MSR1: variants seen among roughly 807,000 people sequenced by gnomAD.
MSR1 encodes macrophage scavenger receptor 1, also known as macrophage scavenger receptor types I and II.
In MSR1, 53 loss-of-function variants were observed where a neutral mutation model predicts 47.2. The observed-to-expected ratio is 1.12, with a 90% confidence interval of 0.90 to 1.41. The LOEUF (loss-of-function observed/expected upper bound fraction) is 1.41, where lower values mean the gene tolerates loss of function less well. Among genes scored for constraint, MSR1 ranks in the 40% most tolerant of loss-of-function variants. The pLI is 0.00. For missense variants in MSR1, 786 were observed against 546.9 expected, an observed-to-expected ratio of 1.44 and a Z score of -4.36; for synonymous variants, 239 against 185.6, an observed-to-expected ratio of 1.29 and a Z score of -2.34.
In MSR1 at chr8:16,109,105, G is replaced by A. The variant is rs1373628816; in HGVS notation, c.*980C>T. The A allele has an allele frequency of 6.6e-6, 1 of 151,576 alleles. No homozygotes were observed. The highest frequency in any genetic ancestry group is 1.5e-5 in the Non-Finnish European group (1 of 67,944). The allele number at this position is 151,576 out of a possible 1,614,324, so 9.4% of individuals were successfully genotyped here. On this transcript the variant is annotated 3_prime_UTR_variant, in exon 10 of 10. Transcript: ENST00000262101. ...GGGGATGGGTTGACTACCAACAAAA[G>A]GTTGCTAAACTACTTTTTTGGGGCA...
rs1177562046 is a variant in MSR1, at chr8:16,168,799, G to A, written c.289C>T (p.Leu97Phe). Reference sequence around the variant, plus strand: ...TCGCTGTCATTTCCTTTTCCCGTGAGACTTTGAGTTATATCATTTGCATTA... The same window carrying A: ...TCGCTGTCATTTCCTTTTCCCGTGAAACTTTGAGTTATATCATTTGCATTA... ...STNANDITQS[L>F]TGKGNDSEEE... is the part of the protein sequence containing the mutation. Residue 97 changes from leucine (L) to phenylalanine (F), a missense_variant, in exon 4 of 10, where the codon CTC (leucine) becomes TTC (phenylalanine). By Grantham distance (22) the Leu-to-Phe change is conservative. Transcript: ENST00000262101. 2.5e-6 allele frequency: 4 copies of A among 1,613,826 alleles called. No homozygotes were observed. The highest frequency in any genetic ancestry group is 1.3e-5 in the African/African-American group (1 of 74,892).
intron 5 of MSR1, among the ~76,000 whole-genome samples, chr8:16,162,082 T>G (rs755053215): frequency 6.6e-6 from 1 of 151,960 alleles, no homozygotes; most frequent in Non-Finnish European, 1.5e-5. Context: ...ATAAATCCAC[T>G]AATATAAGAA....
rs34542305 is a variant in MSR1, at chr8:16,120,726, A to G, written c.1034-120T>C. The G allele has an allele frequency of 1.1e-5, 13 of 1,183,558 alleles. No homozygotes were observed. In the African/African-American group the frequency reaches 1.6e-4, roughly 14 times the overall value. 73.3% of individuals were successfully genotyped at this position (1,183,558 alleles called of 1,614,324 possible). ...AAAATGTTTAGCACATTTTCCAAAT[A>G]ACTTCAACTATTGGAATAAATATTA... On this transcript the variant is annotated intron_variant, in intron 8 of 9. Coordinates refer to ENST00000262101, the MANE Select transcript of MSR1 (RefSeq NM_138715.3).
At chr8:16,148,490 A>ATT (rs1554467881) in intron 7 of MSR1, among the ~76,000 whole-genome samples, 1 of 151,572 alleles carries the variant, frequency 6.6e-6, no homozygotes, top group Non-Finnish European at 1.5e-5. Context: ...TCAGGGTCTC[A>ATT]CTGTTACCCA....
At chr8:16,168,428 C>A in intron 4 of MSR1, 30 bp downstream of exon 4, 5 of 1,612,890 alleles carry the variant, frequency 3.1e-6, no homozygotes, top group Non-Finnish European at 4.2e-6. Flanking sequence ...TCAGTTCCAG[C>A]AAGTGACCTT....
intron 8 of MSR1, chr8:16,140,785 G>A (rs1055860450): frequency 1.7e-5 from 25 of 1,467,456 alleles, no homozygotes; most frequent in Admixed American, 2.7e-5. Context: ...TGGAGTAATT[G>A]GAGTAAGAAG....
chr8:16,159,209 T>C (rs1386196485), intron 5 of MSR1, among the ~76,000 whole-genome samples: 1 of 151,094 alleles, frequency 6.6e-6, no homozygotes, highest in Non-Finnish European at 1.5e-5. Context: ...TATTTCTTTT[T>C]TGGTGCTTTC....
At position 16,162,188 on chromosome 8, in the gene MSR1, T is replaced by G. The variant is rs140820229; in HGVS notation, c.817+1877A>C. Among the ~76,000 whole-genome samples the G allele has an allele frequency of 1.7e-3, 259 of 152,070 alleles. 2 individuals are homozygous for G. The highest frequency in any genetic ancestry group is 5.9e-3 in the African/African-American group (245 of 41,530). ...ACAAAGAGAATGACAAACAGATTGG[T>G]GGCAGTCATTTTAAGAGCCACAAGA... On this transcript the variant is annotated intron_variant, in intron 5 of 9. Coordinates refer to ENST00000262101, the MANE Select transcript of MSR1 (RefSeq NM_138715.3).
At chr8:16,172,943 A>G (rs1801529867) in intron 3 of MSR1, among the ~76,000 whole-genome samples, 2 of 152,176 alleles carry the variant, frequency 1.3e-5, no homozygotes, top group South Asian at 4.1e-4. Flanking sequence ...TATGCCAAGT[A>G]GAGATATATA....
intron 8 of MSR1, chr8:16,140,582 C>A: frequency 9.4e-7 from 1 of 1,064,598 alleles, no homozygotes; most frequent in Non-Finnish European, 1.1e-6. Flanking sequence ...GTAGGAATCG[C>A]TTTGCTTGAC....
At chr8:16,116,003 A>C (rs1036547871) in intron 9 of MSR1, among the ~76,000 whole-genome samples, 3 of 152,144 alleles carry the variant, frequency 2.0e-5, no homozygotes, top group African/African-American at 7.2e-5. Context: ...TAAAAAATCT[A>C]AGTCATATTA....
At chr8:16,139,086 GC>G (rs1800461981) in intron 8 of MSR1, among the ~76,000 whole-genome samples, 1 of 152,098 alleles carries the variant, frequency 6.6e-6, no homozygotes, top group Non-Finnish European at 1.5e-5. Context: ...ATGCTCTTCT[GC>G]TCGACTCAGA....
intron 6 of MSR1, among the ~76,000 whole-genome samples, chr8:16,151,735 G>A: frequency 6.6e-6 from 1 of 152,108 alleles, no homozygotes; most frequent in East Asian, 1.9e-4. Flanking sequence ...TGAGACCAGA[G>A]TGATCAAATC....
intron 8 of MSR1, among the ~76,000 whole-genome samples, chr8:16,137,335 A>T (rs1800415881): frequency 6.6e-6 from 1 of 152,126 alleles, no homozygotes; most frequent in South Asian, 2.1e-4. Flanking sequence ...TTGGAATTTG[A>T]TCTGCCGTAA....
chr8:16,153,759 A>G lies in MSR1; in HGVS notation c.898+1305T>C, dbSNP rs186083998. The stretch of plus-strand genomic sequence containing the variant: ...ATGGTTGAGTTATAAAGCTCTGACA[A>G]TTGCAGCCTGTATGGAGGGGGTGAT... On this transcript the variant is annotated intron_variant, in intron 6 of 9. Transcript: ENST00000262101. Among the ~76,000 whole-genome samples, 262 of 152,086 alleles carry G rather than the reference A, an allele frequency of 1.7e-3. 4 individuals are homozygous for G. The highest frequency in any genetic ancestry group is 0.016 in the Admixed American group (248 of 15,226).
chr8:16,170,071 C>T (rs1369371887), intron 3 of MSR1, among the ~76,000 whole-genome samples: 1 of 151,952 alleles, frequency 6.6e-6, no homozygotes, highest in East Asian at 1.9e-4. Flanking sequence ...AAAAATAGGC[C>T]GGGTGCGTTG....
chr8:16,179,919 T>A (rs932256674), intron 1 of MSR1, among the ~76,000 whole-genome samples: 2 of 150,914 alleles, frequency 1.3e-5, no homozygotes, highest in African/African-American at 4.9e-5. Flanking sequence ...TATTTATTTA[T>A]TTACTTATTT....
At chr8:16,134,638 A>G (rs1182306751) in intron 8 of MSR1, among the ~76,000 whole-genome samples, 1 of 152,162 alleles carries the variant, frequency 6.6e-6, no homozygotes, top group Non-Finnish European at 1.5e-5. Context: ...GTTCCATTGA[A>G]AGGAAGAGTG....
chr8:16,153,987 G>A (rs1200966420), intron 6 of MSR1, among the ~76,000 whole-genome samples: 1 of 151,752 alleles, frequency 6.6e-6, no homozygotes, highest in East Asian at 1.9e-4. Flanking sequence ...TATATGGGTA[G>A]GATTGCTATT....
Sources: allele counts gnomAD v4.1 joint callset (sites outside exome capture counted in the v4.1 genomes callset), GRCh38; gene constraint gnomAD v4.1.1; transcripts MANE v1.5; gene names NCBI Gene and HGNC (gene_info 2026-07-23, HGNC 2026-07-21).